TTC3: variants seen among roughly 807,000 people sequenced by gnomAD.
The protein encoded by TTC3 is E3 ubiquitin-protein ligase TTC3.
Under a neutral mutation model 249.6 loss-of-function variants are expected in TTC3, and 180 were observed. That is an observed-to-expected ratio of 0.72 (90% CI 0.64 to 0.82). The LOEUF (loss-of-function observed/expected upper bound fraction) is 0.82. Among genes scored for constraint, TTC3 ranks in the 40% least tolerant of loss-of-function variants. The probability of loss-of-function intolerance (pLI) is 0.00; values close to 1 mark genes in which losing one functional copy is unlikely to be tolerated. For synonymous variants in TTC3, 717 were observed against 805.0 expected, an observed-to-expected ratio of 0.89 and a Z score of 1.85; for missense variants, 2,061 against 2,398.4, an observed-to-expected ratio of 0.86 and a Z score of 2.94.
rs551547587 is a variant in TTC3 at position 37,090,210 on chromosome 21, T to C, written c.427-23T>C. The C allele has an allele frequency of 8.6e-5, 135 of 1,565,886 alleles. 2 individuals are homozygous for C. In the South Asian group the frequency reaches 1.6e-3, roughly 18 times the overall value. Reference sequence around the variant, plus strand: ...TAGAATTGACTGAATAAGGAAAAAATATGTCCTTTTTTTATTTTTCAGAAT... The same window carrying C: ...TAGAATTGACTGAATAAGGAAAAAACATGTCCTTTTTTTATTTTTCAGAAT... On this transcript the variant is annotated intron_variant, in intron 5 of 45. Coordinates refer to ENST00000355666, the Ensembl canonical transcript of TTC3.
At chr21:37,131,125 G>C (rs762630184) in intron 16 of TTC3, among the ~76,000 whole-genome samples, 20 of 152,136 alleles carry the variant, frequency 1.3e-4, no homozygotes, top group Admixed American at 7.2e-4. Context: ...AATGATAGGA[G>C]TGTATTTTGT....
chr21:37,196,237 C>CT (rs35693053), intron 42 of TTC3, among the ~76,000 whole-genome samples: 1,474 of 120,288 alleles, frequency 0.012, 29 homozygotes, highest in African/African-American at 0.039. Flanking sequence ...TTTTTTCTTT[C>CT]TTTTTTTTTT....
intron 6 of TTC3, among the ~76,000 whole-genome samples, chr21:37,091,055 G>A (rs761593919): frequency 1.6e-4 from 24 of 152,152 alleles, no homozygotes; most frequent in Non-Finnish European, 3.1e-4. Flanking sequence ...AGCATCTTGA[G>A]CTCTGAGGGT....
At chr21:37,100,713 C>G (rs1793867) in intron 10 of TTC3, 2 of 152,234 alleles carry the variant, frequency 1.3e-5, no homozygotes, top group Non-Finnish European at 2.9e-5. Flanking sequence ...CCTGCGCCCC[C>G]ACTCCTGCCG....
chr21:37,137,658 A>G (rs1331246239), intron 18 of TTC3, among the ~76,000 whole-genome samples: 4 of 152,180 alleles, frequency 2.6e-5, no homozygotes, highest in African/African-American at 7.2e-5. Flanking sequence ...AACTTAGTTG[A>G]TCAAGCAGTG....
At chr21:37,147,672 TG>T in intron 22 of TTC3, 69 bp downstream of exon 22, 1 of 1,532,890 alleles carries the variant, frequency 6.5e-7, no homozygotes, top group Non-Finnish European at 8.7e-7. Context: ...CAAAACAATC[TG>T]TAATTGGAGG....
Position 37,202,887 on chromosome 21 carries a change from CAG to C in TTC3, c.*1315_*1316del, listed in dbSNP as rs1320791225. 8 of 152,328 alleles carry C rather than the reference CAG, an allele frequency of 5.3e-5. No homozygotes were observed. The South Asian group carries it at 1.7e-3, about 32-fold the overall frequency. 9.4% of individuals were successfully genotyped at this position (152,328 alleles called of 1,614,324 possible). ...TAGAAGCTCACGCCTTAGTTTGAAA[CAG>C]ATTCTCCACGGTGGTCCCCAAAACA... is the stretch of plus-strand genomic sequence containing the variant. On this transcript the variant is annotated 3_prime_UTR_variant, in exon 46 of 46. Coordinates refer to ENST00000355666, the Ensembl canonical transcript of TTC3.
chr21:37,156,749 TG>T lies in TTC3; in HGVS notation c.2837del (p.Gly946ValfsTer4), dbSNP rs1569087934. 8.1e-6 allele frequency: 13 copies of T among 1,614,108 alleles called. No homozygotes were observed. The highest frequency in any genetic ancestry group is 9.3e-6 in the Non-Finnish European group (11 of 1,179,996). ...TGACTTTCCTCTGGAATGAGAAATA[TG>T]GTCACAAACTAGACTCTATAGAAGG... On this transcript the variant is annotated frameshift_variant, in exon 28 of 46. Coordinates refer to ENST00000355666, the Ensembl canonical transcript of TTC3. LOFTEE classifies it high-confidence loss of function.
Position 37,165,536 on chromosome 21 carries a change from A to G in TTC3, c.3336-14A>G, listed in dbSNP as rs370334138. On this transcript the variant is annotated splice_polypyrimidine_tract_variant and intron_variant, in intron 32 of 45. Transcript: ENST00000355666. ...TCCTTATAGTAACTCATGTAAATGT[A>G]AATTTTTTCCAAGTTACTTCTCTCA... is the stretch of plus-strand genomic sequence containing the variant. 1.1e-5 allele frequency: 17 copies of G among 1,569,088 alleles called. No individual in the cohort carries two copies. The African/African-American group carries it at 2.2e-4, about 20-fold the overall frequency.
At chr21:37,189,833 C>T (rs772200740) in intron 39 of TTC3, among the ~76,000 whole-genome samples, 100 of 152,050 alleles carry the variant, frequency 6.6e-4, no homozygotes, top group Non-Finnish European at 9.9e-4. Context: ...GGAGTGCCTC[C>T]CAAAGTGCTG....
chr21:37,129,096 C>G, intron 16 of TTC3, 33 bp downstream of exon 16: 10 of 1,462,794 alleles, frequency 6.8e-6, no homozygotes, highest in South Asian at 1.3e-5. Flanking sequence ...GTTTTTTTCC[C>G]CTTAATATAC....
At chr21:37,096,408 A>C (rs1487691060) in intron 9 of TTC3, among the ~76,000 whole-genome samples, 173 bp from the exon 10 acceptor site, 2 of 152,220 alleles carry the variant, frequency 1.3e-5, no homozygotes, top group Admixed American at 6.5e-5. Context: ...CTTATGTAAG[A>C]AGTGAAGGAA....
chr21:37,140,542 GT>G lies in TTC3; in HGVS notation c.1660-15del. 1 of 1,482,114 alleles carries G rather than the reference GT, an allele frequency of 6.7e-7. No homozygotes were observed. The highest frequency in any genetic ancestry group is 9.1e-7 in the Non-Finnish European group (1 of 1,103,282). The allele number at this position is 1,482,114 out of a possible 1,614,324, so 91.8% of individuals were successfully genotyped here. A position where few individuals can be genotyped will look rare whatever the true frequency, so the allele number is the denominator to read the frequency against. On this transcript the variant is annotated intron_variant, in intron 19 of 45. Transcript: ENST00000355666. ...TTCTCTTTGTATGTAAGTGATCATT[GT>G]TTTCACTGCTATTCAAGGAATTATC...
chr21:37,129,152 A>G (rs1396549294), intron 16 of TTC3, 89 bp downstream of exon 16: 2 of 769,912 alleles, frequency 2.6e-6, no homozygotes, highest in Non-Finnish European at 4.0e-6. Context: ...AGTATTAGCT[A>G]CTTTAATGTA....
At chr21:37,129,022 A>C in exon 16 of TTC3, 1 of 1,596,264 alleles carries the variant, frequency 6.3e-7, no homozygotes, top group Non-Finnish European at 8.5e-7. Context: ...CAAAACATAA[A>C]GGAAAACAAA....
chr21:37,100,880 T>G (rs1002024628), intron 10 of TTC3: 2 of 152,242 alleles, frequency 1.3e-5, no homozygotes, highest in African/African-American at 2.4e-5. Flanking sequence ...ATCATTGTAA[T>G]TATAGTAATC....
chr21:37,077,593 A>G (rs2071077462), intron 1 of TTC3, among the ~76,000 whole-genome samples: 1 of 152,238 alleles, frequency 6.6e-6, no homozygotes, highest in South Asian at 2.1e-4. Context: ...CAACCTCTCC[A>G]ACACTTGTTA....
intron 26 of TTC3, 50 bp downstream of exon 26, chr21:37,152,079 G>T: frequency 6.8e-7 from 1 of 1,467,162 alleles, no homozygotes; most frequent in Non-Finnish European, 9.0e-7. Context: ...TCATTTAAAT[G>T]TATAAATGTA....
chr21:37,081,917 T>C (rs2071727960), intron 1 of TTC3: 1 of 150,580 alleles, frequency 6.6e-6, no homozygotes, highest in South Asian at 2.1e-4. Context: ...CAGGCTGGAG[T>C]GCAGAGGCGC....
Sources: gnomAD v4.1 joint callset for allele counts (sites outside exome capture counted in the v4.1 genomes callset) on GRCh38, gnomAD v4.1.1 for gene constraint, MANE v1.5 for transcripts, NCBI Gene and HGNC (gene_info 2026-07-23, HGNC 2026-07-21) for gene names.